The following TMEM74 variants were observed in gnomAD, a reference collection of about 807,000 sequenced individuals.
TMEM74 encodes transmembrane protein 74.
TMEM74 carries 13 observed loss-of-function variants against 18.1 expected under a neutral mutation model. The ratio of observed to expected loss-of-function variants is 0.72; its 90% CI spans 0.47 to 1.14. The LOEUF is 1.14. Ranked by LOEUF, TMEM74 falls within the 50% of genes most tolerant of loss-of-function variation. The pLI, the probability that TMEM74 is intolerant of heterozygous loss-of-function variation, is 0.00. For missense variants in TMEM74, 372 were observed against 375.9 expected (o/e 0.99, Z 0.09); for synonymous variants, 159 against 146.6 (o/e 1.08, Z -0.61).
chr8:108,710,960 G>A (rs772710802), intron 1 of TMEM74, among the ~76,000 whole-genome samples: 3 of 152,124 alleles, frequency 2.0e-5, no homozygotes, highest in Non-Finnish European at 2.9e-5. Flanking sequence ...ATATGCCTGC[G>A]CTCTAAAATC....
At chr8:108,655,091 T>C (rs984506640) in intron 2 of TMEM74, among the ~76,000 whole-genome samples, 12 of 152,196 alleles carry the variant, frequency 7.9e-5, no homozygotes, top group African/African-American at 2.4e-4. Flanking sequence ...ACTTTCTTTT[T>C]CCTTATATTC....
At chr8:108,661,483 T>C (rs1563743195) in intron 1 of TMEM74, among the ~76,000 whole-genome samples, 3 of 150,226 alleles carry the variant, frequency 2.0e-5, no homozygotes, top group Admixed American at 1.3e-4. Context: ...CAATTTAAGA[T>C]TGGAATCTTT....
Position 108,766,336 on chromosome 8 carries a change from AG to A in TMEM74, n.119+21139del, listed in dbSNP as rs1027649576. ...GGGTTCATGGGAATGTTCTTTGTAG[AG>A]GCAATAAAGAGTTTGCTTTTTTGGC... On this transcript the variant is annotated intron_variant and non_coding_transcript_variant, in intron 1 of 3. Transcript: ENST00000518838. Among the ~76,000 whole-genome samples, 112 of 152,218 alleles carry A rather than the reference AG, an allele frequency of 7.4e-4. 1 individual carries two copies. Among genetic ancestry groups the A allele is most frequent in the African/African-American group, 2.4e-3 (101 of 41,548 alleles).
chr8:108,656,532 T>C (rs768881829), intron 1 of TMEM74, among the ~76,000 whole-genome samples: 2 of 152,194 alleles, frequency 1.3e-5, no homozygotes, highest in Non-Finnish European at 2.9e-5. Context: ...AAGAAAACTA[T>C]CATTTCACAA....
At chr8:108,687,499 A>G (rs775877271) in intron 1 of TMEM74, among the ~76,000 whole-genome samples, 2 of 152,126 alleles carry the variant, frequency 1.3e-5, no homozygotes, top group South Asian at 4.1e-4. Flanking sequence ...GGATGATTCA[A>G]GCACATTACG....
chr8:108,784,100 T>C lies in TMEM74; in HGVS notation c.*81A>G, dbSNP rs915776031. The C allele has an allele frequency of 1.3e-5, 16 of 1,260,654 alleles. No homozygotes were observed. Among genetic ancestry groups the C allele is most frequent in the Non-Finnish European group, 1.6e-5 (15 of 919,994 alleles). 78.1% of individuals were successfully genotyped at this position (1,260,654 alleles called of 1,614,324 possible). A position where few individuals can be genotyped will look rare whatever the true frequency, so the allele number is the denominator to read the frequency against. ...AAACTTTTCTTGCCAGGCAAATAAATTGCACTGTGAATTTTTATAAATTAA... is the reference window on the plus strand; with the variant it reads ...AAACTTTTCTTGCCAGGCAAATAAACTGCACTGTGAATTTTTATAAATTAA... On this transcript the variant is annotated 3_prime_UTR_variant, in exon 2 of 2. Transcript: ENST00000297459.
intron 1 of TMEM74, among the ~76,000 whole-genome samples, chr8:108,722,316 C>A (rs1813593408): frequency 6.6e-6 from 1 of 152,142 alleles, no homozygotes; most frequent in Non-Finnish European, 1.5e-5. Flanking sequence ...ATTCTGCCTA[C>A]CACAAATGAA....
At chr8:108,706,918 A>G (rs1322526846) in intron 1 of TMEM74, among the ~76,000 whole-genome samples, 2 of 152,040 alleles carry the variant, frequency 1.3e-5, no homozygotes, top group East Asian at 3.8e-4. Context: ...ATGGATAGAG[A>G]ATGACAGTGA....
At position 108,739,913 on chromosome 8, in the gene TMEM74, G is replaced by A. The variant is rs569568231; in HGVS notation, n.119+47563C>T. Among the ~76,000 whole-genome samples the A allele has an allele frequency of 6.6e-5, 10 of 152,160 alleles. No homozygotes were observed. The East Asian group carries it at 1.2e-3, about 18-fold the overall frequency. ...CAATTTGAGAGAGAGAAGTGGGACC[G>A]GGGGCCATCGCAATCGTGGAGGCTG... On this transcript the variant is annotated intron_variant and non_coding_transcript_variant, in intron 1 of 3. Transcript: ENST00000518838.
chr8:108,705,679 T>A (rs2130618932), intron 1 of TMEM74, among the ~76,000 whole-genome samples: 1 of 152,194 alleles, frequency 6.6e-6, no homozygotes, highest in African/African-American at 2.4e-5. Flanking sequence ...AGCTCGTACA[T>A]CTTTTATGTA....
At chr8:108,739,044 T>G (rs1418614723) in intron 1 of TMEM74, among the ~76,000 whole-genome samples, 2 of 152,146 alleles carry the variant, frequency 1.3e-5, no homozygotes, top group African/African-American at 4.8e-5. Flanking sequence ...ATGTGTTCAG[T>G]TAAAAATAAT....
intron 1 of TMEM74, among the ~76,000 whole-genome samples, chr8:108,710,718 GC>G (rs1462697997): frequency 6.6e-6 from 1 of 152,176 alleles, no homozygotes; most frequent in Admixed American, 6.5e-5. Context: ...AGGGTCAGCA[GC>G]TTAACTCTTT....
At chr8:108,641,446 C>CT (rs530957598) in intron 2 of TMEM74, among the ~76,000 whole-genome samples, 3 of 152,118 alleles carry the variant, frequency 2.0e-5, no homozygotes, top group Non-Finnish European at 4.4e-5. Context: ...CCTGTTAGCA[C>CT]TGTGACAGTG....
chr8:108,671,088 A>G (rs2130589955), intron 1 of TMEM74, among the ~76,000 whole-genome samples: 1 of 152,324 alleles, frequency 6.6e-6, no homozygotes, highest in Non-Finnish European at 1.5e-5. Flanking sequence ...CTGAGACCTG[A>G]TGAGGGTTCA....
intron 1 of TMEM74, among the ~76,000 whole-genome samples, chr8:108,704,351 G>A (rs1024503421): frequency 6.6e-6 from 1 of 152,068 alleles, no homozygotes; most frequent in African/African-American, 2.4e-5. Flanking sequence ...CCTATTTCCT[G>A]TTTTATAGTG....
At chr8:108,766,102 G>A (rs983261817) in intron 1 of TMEM74, among the ~76,000 whole-genome samples, 1 of 152,080 alleles carries the variant, frequency 6.6e-6, no homozygotes, top group African/African-American at 2.4e-5. Flanking sequence ...ACCTCATCCA[G>A]CAGGATTTTA....
At chr8:108,681,888 C>T (rs905798215) in intron 1 of TMEM74, among the ~76,000 whole-genome samples, 4 of 152,132 alleles carry the variant, frequency 2.6e-5, no homozygotes, top group Admixed American at 2.0e-4. Context: ...TTGGGAAATG[C>T]TTCAAATCAG....
At chr8:108,610,466 T>A (rs1437033066) in intron 2 of TMEM74, among the ~76,000 whole-genome samples, 3 of 152,154 alleles carry the variant, frequency 2.0e-5, no homozygotes, top group African/African-American at 7.2e-5. Context: ...AGTAGAAAGA[T>A]AATAAATAAA....
chr8:108,713,165 G>A (rs972648335), intron 1 of TMEM74, among the ~76,000 whole-genome samples: 1 of 152,022 alleles, frequency 6.6e-6, no homozygotes, highest in African/African-American at 2.4e-5. Flanking sequence ...GTCTTTTATG[G>A]ATCCTTAACA....
Sources: allele counts gnomAD v4.1 joint callset (sites outside exome capture counted in the v4.1 genomes callset), GRCh38; gene constraint gnomAD v4.1.1; transcripts MANE v1.5; gene names NCBI Gene and HGNC (gene_info 2026-07-23, HGNC 2026-07-21).